The following MCU variants were observed in gnomAD, a reference collection of about 807,000 sequenced individuals.
The protein encoded by MCU is mitochondrial calcium uniporter.
A neutral mutation model predicts 45.2 loss-of-function variants in MCU; 12 were observed. The ratio of observed to expected loss-of-function variants is 0.27; its 90% CI spans 0.17 to 0.43. The LOEUF is 0.43. Among genes scored for constraint, MCU ranks in the 20% least tolerant of loss-of-function variants. The pLI is 1.00. For synonymous variants in MCU, 160 were observed against 165.1 expected (o/e 0.97, Z 0.24); for missense variants, 324 against 436.7 (o/e 0.74, Z 2.30).
At chr10:72,744,889 A>AT (rs1843392001) in intron 1 of MCU, among the ~76,000 whole-genome samples, 1 of 152,192 alleles carries the variant, frequency 6.6e-6, no homozygotes, top group East Asian at 1.9e-4. Context: ...TTGAGATTTA[A>AT]TTTTTTTGTT....
intron 1 of MCU, among the ~76,000 whole-genome samples, chr10:72,776,490 TG>T (rs1400996211): frequency 1.3e-5 from 2 of 152,174 alleles, no homozygotes; most frequent in South Asian, 2.1e-4. Flanking sequence ...CAACAGATGC[TG>T]AAAAATCATT....
intron 1 of MCU, among the ~76,000 whole-genome samples, chr10:72,833,969 C>T (rs537013816): frequency 1.4e-4 from 21 of 152,180 alleles, no homozygotes; most frequent in African/African-American, 4.1e-4. Context: ...AGGAAGGAGA[C>T]GCAGATCTGA....
chr10:72,742,727 G>A (rs1231599470), intron 1 of MCU, among the ~76,000 whole-genome samples: 1 of 152,134 alleles, frequency 6.6e-6, no homozygotes, highest in Admixed American at 6.5e-5. Context: ...TGGCCCATGG[G>A]CAGGGGCTGA....
intron 2 of MCU, 33 bp from the exon 3 acceptor site, chr10:72,859,144 A>G: frequency 6.5e-7 from 1 of 1,527,424 alleles, no homozygotes; most frequent in Non-Finnish European, 8.8e-7. Flanking sequence ...TTGAAATCCA[A>G]TTATCATATG....
chr10:72,844,349 T>C (rs1267138291), intron 2 of MCU, among the ~76,000 whole-genome samples: 1 of 152,100 alleles, frequency 6.6e-6, no homozygotes, highest in Non-Finnish European at 1.5e-5. Flanking sequence ...ATTGTGCCAC[T>C]GCATTCCAGC....
chr10:72,723,665 T>A (rs1228140873), intron 1 of MCU, among the ~76,000 whole-genome samples: 1 of 152,236 alleles, frequency 6.6e-6, no homozygotes, highest in Non-Finnish European at 1.5e-5. Flanking sequence ...TTAACAAACT[T>A]GTCATACACA....
intron 1 of MCU, among the ~76,000 whole-genome samples, chr10:72,700,408 C>G (rs915051666): frequency 2.0e-5 from 3 of 152,164 alleles, no homozygotes; most frequent in African/African-American, 7.2e-5. Flanking sequence ...AATAATTACT[C>G]TCTAATTTAG....
chr10:72,698,350 A>G (rs983813215), intron 1 of MCU, among the ~76,000 whole-genome samples: 1 of 152,238 alleles, frequency 6.6e-6, no homozygotes, highest in Non-Finnish European at 1.5e-5. Flanking sequence ...GCCCTAAAAC[A>G]AAAAATGATT....
intron 1 of MCU, among the ~76,000 whole-genome samples, chr10:72,762,962 A>G (rs1233955186): frequency 5.3e-5 from 8 of 152,152 alleles, no homozygotes; most frequent in African/African-American, 1.9e-4. Flanking sequence ...TGAGAGCAGA[A>G]TCTGTTTCCT....
intron 1 of MCU, among the ~76,000 whole-genome samples, chr10:72,813,495 G>A (rs1364135921): frequency 9.5e-6 from 1 of 105,200 alleles, no homozygotes. Context: ...GTCTTGCTCT[G>A]TTGCCCAAGC....
intron 2 of MCU, among the ~76,000 whole-genome samples, chr10:72,842,377 TAATTCTCAGAC>T (rs1244046761): frequency 6.6e-6 from 1 of 152,238 alleles, no homozygotes; most frequent in African/African-American, 2.4e-5. Context: ...TGTTATGAAA[TAATTCTCAGAC>T]AATTCTTAGT....
chr10:72,810,613 G>A (rs1337094753), intron 1 of MCU, among the ~76,000 whole-genome samples: 3 of 151,148 alleles, frequency 2.0e-5, no homozygotes, highest in Admixed American at 1.3e-4. Flanking sequence ...GATTACAGGC[G>A]CCTGCCACCA....
intron 1 of MCU, among the ~76,000 whole-genome samples, chr10:72,801,210 A>G (rs975719095): frequency 5.3e-5 from 8 of 152,208 alleles, no homozygotes; most frequent in East Asian, 1.9e-4. Context: ...AGTGTTCTCT[A>G]GAAAATTTAT....
chr10:72,771,944 T>C (rs943377305), intron 1 of MCU, among the ~76,000 whole-genome samples: 2 of 152,080 alleles, frequency 1.3e-5, no homozygotes, highest in African/African-American at 4.8e-5. Context: ...CCAGGACAAA[T>C]AGTTTGTAAA....
At chr10:72,855,853 A>G (rs921062770) in intron 2 of MCU, among the ~76,000 whole-genome samples, 1 of 152,214 alleles carries the variant, frequency 6.6e-6, no homozygotes, top group Non-Finnish European at 1.5e-5. Context: ...AGCTTTCTAC[A>G]GGAAACTCAC....
intron 2 of MCU, among the ~76,000 whole-genome samples, chr10:72,849,060 C>G (rs1443013031): frequency 6.6e-6 from 1 of 151,974 alleles, no homozygotes; most frequent in South Asian, 2.1e-4. Flanking sequence ...ACGGGTGGAT[C>G]ACGAGGTCAG....
intron 1 of MCU, chr10:72,715,274 A>G: frequency 1.8e-6 from 1 of 559,520 alleles, no homozygotes. Context: ...TACTTTGCAA[A>G]GCCATGTAGA....
At chr10:72,794,754 A>T (rs1844218991) in intron 1 of MCU, among the ~76,000 whole-genome samples, 2 of 152,308 alleles carry the variant, frequency 1.3e-5, no homozygotes, top group Non-Finnish European at 2.9e-5. Flanking sequence ...CAAGACCCTT[A>T]GGCTTCTTAG....
intron 1 of MCU, among the ~76,000 whole-genome samples, chr10:72,702,139 C>T (rs1842766449): frequency 1.3e-5 from 2 of 151,288 alleles, no homozygotes; most frequent in African/African-American, 4.9e-5. Context: ...TAATTCCAGC[C>T]ACTTGGGAGG....
Sources: allele counts gnomAD v4.1 joint callset (sites outside exome capture counted in the v4.1 genomes callset), GRCh38; gene constraint gnomAD v4.1.1; transcripts MANE v1.5; gene names NCBI Gene and HGNC (gene_info 2026-07-23, HGNC 2026-07-21).